TAOK1: variants seen among roughly 807,000 people sequenced by gnomAD.
The protein encoded by TAOK1 is serine/threonine-protein kinase TAO1.
A neutral mutation model predicts 138.3 loss-of-function variants in TAOK1; 21 were observed. The ratio of observed to expected loss-of-function variants is 0.15; its 90% CI spans 0.11 to 0.22. The LOEUF is 0.22. Ranked by LOEUF, TAOK1 falls within the 10% of genes least tolerant of loss-of-function variation. TAOK1 has a pLI of 1.00. For synonymous variants in TAOK1, 361 were observed against 398.4 expected (o/e 0.91, Z 1.12); for missense variants, 651 against 1,227.7 (o/e 0.53, Z 7.02).
At chr17:29,532,152 G>A (rs922149655) in intron 18 of TAOK1, among the ~76,000 whole-genome samples, 3 of 151,970 alleles carry the variant, frequency 2.0e-5, no homozygotes, top group Non-Finnish European at 2.9e-5. Flanking sequence ...GAGCCACCGC[G>A]CCCGGCAATA....
intron 1 of TAOK1, among the ~76,000 whole-genome samples, chr17:29,397,647 T>TATGTATATTCATGTATACATGTATAC (rs1904669744): frequency 4.9e-5 from 3 of 61,566 alleles, no homozygotes; most frequent in Non-Finnish European, 9.1e-5. Context: ...TACATGTATA[T>TATGTATATTCATGTATACATGTATAC]ATGTATATTC....
At chr17:29,459,623 C>T (rs1371560478) in intron 2 of TAOK1, among the ~76,000 whole-genome samples, 1 of 152,064 alleles carries the variant, frequency 6.6e-6, no homozygotes, top group African/African-American at 2.4e-5. Context: ...ATAAATGTAC[C>T]ACATTTTCTT....
intron 2 of TAOK1, 142 bp downstream of exon 2, chr17:29,451,822 G>A: frequency 1.2e-6 from 1 of 866,012 alleles, no homozygotes. Context: ...GAGCGCGAGA[G>A]CGAGAGCGTG....
chr17:29,412,702 C>T (rs1905176289), intron 1 of TAOK1, among the ~76,000 whole-genome samples: 2 of 152,092 alleles, frequency 1.3e-5, no homozygotes, highest in Admixed American at 6.6e-5. Context: ...AGTTTAAGTT[C>T]TTTAAGTGTT....
intron 1 of TAOK1, among the ~76,000 whole-genome samples, chr17:29,419,378 T>G (rs1354752511): frequency 6.6e-6 from 1 of 152,038 alleles, no homozygotes; most frequent in Admixed American, 6.6e-5. Context: ...GTATTTTTAA[T>G]AGAGACGGGG....
At chr17:29,401,577 C>A (rs945311714) in intron 1 of TAOK1, among the ~76,000 whole-genome samples, 5 of 152,148 alleles carry the variant, frequency 3.3e-5, no homozygotes, top group African/African-American at 9.7e-5. Context: ...TCCACCAGGT[C>A]CCTCCCCCAA....
chr17:29,533,907 A>C (rs2032177294), intron 18 of TAOK1, among the ~76,000 whole-genome samples: 1 of 151,974 alleles, frequency 6.6e-6, no homozygotes, highest in African/African-American at 2.4e-5. Flanking sequence ...CATCTTCCAA[A>C]TAGCTTATGA....
At chr17:29,477,186 T>C (rs2030963174) in intron 4 of TAOK1, among the ~76,000 whole-genome samples, 1 of 152,150 alleles carries the variant, frequency 6.6e-6, no homozygotes, top group Non-Finnish European at 1.5e-5. Context: ...TATAGTTGGT[T>C]GAATCTACAA....
At chr17:29,394,491 A>G (rs1321648208) in intron 1 of TAOK1, among the ~76,000 whole-genome samples, 7 of 152,224 alleles carry the variant, frequency 4.6e-5, no homozygotes, top group Admixed American at 3.9e-4. Context: ...ATAGACATGA[A>G]TATTTAGTAA....
At chr17:29,408,698 A>T (rs563005513) in intron 1 of TAOK1, among the ~76,000 whole-genome samples, 2 of 151,264 alleles carry the variant, frequency 1.3e-5, no homozygotes, top group Admixed American at 1.3e-4. Context: ...GCAGCCGCTG[A>T]TGTGATTTCT....
chr17:29,512,644 G>C (rs2031742908), intron 15 of TAOK1: 3 of 151,392 alleles, frequency 2.0e-5, no homozygotes, highest in African/African-American at 7.3e-5. Flanking sequence ...CTCCCAAAGT[G>C]CTGGGACTAC....
chr17:29,527,016 C>T lies in TAOK1; in HGVS notation c.2149-3391C>T, dbSNP rs147853728. Among the ~76,000 whole-genome samples, 544 of 152,046 alleles carry T rather than the reference C, an allele frequency of 3.6e-3. 6 individuals carry two copies. The highest frequency in any genetic ancestry group is 0.013 in the African/African-American group (523 of 41,486). On this transcript the variant is annotated intron_variant, in intron 17 of 19. Coordinates refer to ENST00000261716, the MANE Select transcript of TAOK1 (RefSeq NM_020791.4). ...TGGCATGCACCTGTAGTCCCAGCTA[C>T]GCAGGAGGCTGAGGCAAGAGAATCG...
At chr17:29,434,132 A>G (rs902661377) in intron 1 of TAOK1, among the ~76,000 whole-genome samples, 3 of 152,210 alleles carry the variant, frequency 2.0e-5, no homozygotes, top group African/African-American at 7.2e-5. Context: ...AGGGAGGCCA[A>G]AAACCCGACT....
intron 8 of TAOK1, among the ~76,000 whole-genome samples, chr17:29,487,701 G>C (rs1160809020): frequency 6.6e-6 from 1 of 152,062 alleles, no homozygotes; most frequent in Admixed American, 6.6e-5. Context: ...GGGATAATTT[G>C]AACATCAAAA....
chr17:29,395,103 GGGGCGTGAT>G lies in TAOK1; in HGVS notation c.-95+4082_-95+4090del. ...AAAGATAAAAAATGAAAATATTAGT[GGGGCGTGAT>G]GGTGCGTGCTTGTTCTAACTACCTG... On this transcript the variant is annotated intron_variant, in intron 1 of 19. Coordinates refer to ENST00000261716, the MANE Select transcript of TAOK1 (RefSeq NM_020791.4). Among the ~76,000 whole-genome samples, 3 of 151,946 alleles carry G rather than the reference GGGGCGTGAT, an allele frequency of 2.0e-5. 1 individual carries two copies. In the Middle Eastern group the frequency reaches 0.01, roughly 517 times the overall value.
At chr17:29,529,877 A>T (rs890952446) in intron 17 of TAOK1, among the ~76,000 whole-genome samples, 1 of 151,198 alleles carries the variant, frequency 6.6e-6, no homozygotes, top group Non-Finnish European at 1.5e-5. Context: ...AAAAAAAAAA[A>T]TTAGCTGAAC....
chr17:29,407,896 T>C (rs973632575), intron 1 of TAOK1, among the ~76,000 whole-genome samples: 7 of 152,162 alleles, frequency 4.6e-5, no homozygotes, highest in Non-Finnish European at 1.0e-4. Context: ...TGAGGCAGAG[T>C]CTGGCTCTGT....
intron 15 of TAOK1, chr17:29,513,102 T>C (rs1313706315): frequency 7.9e-6 from 1 of 125,882 alleles, no homozygotes; most frequent in Non-Finnish European, 1.6e-5. Flanking sequence ...TTAGTTCATA[T>C]AATTAATTAG....
chr17:29,497,871 A>T (rs2031443882), intron 11 of TAOK1, among the ~76,000 whole-genome samples: 1 of 152,036 alleles, frequency 6.6e-6, no homozygotes. Flanking sequence ...CTCCTTATGG[A>T]GCAGGGCTAC....
Sources: allele counts gnomAD v4.1 joint callset (sites outside exome capture counted in the v4.1 genomes callset), GRCh38; gene constraint gnomAD v4.1.1; transcripts MANE v1.5; gene names NCBI Gene and HGNC (gene_info 2026-07-23, HGNC 2026-07-21).